The following STX12 variants were observed in gnomAD, a reference collection of about 807,000 sequenced individuals.
STX12 encodes the protein syntaxin-12.
A neutral mutation model predicts 42.2 loss-of-function variants in STX12; 17 were observed. The observed-to-expected ratio is 0.40, with a 90% CI of 0.28 to 0.60. The LOEUF (loss-of-function observed/expected upper bound fraction) is 0.60, where lower values mean the gene tolerates loss of function less well. Ranked by LOEUF, STX12 falls within the 20% of genes least tolerant of loss-of-function variation. The probability of loss-of-function intolerance (pLI) is 0.39; values close to 1 mark genes in which losing one functional copy is unlikely to be tolerated. For synonymous variants in STX12, 108 were observed against 116.7 expected, an observed-to-expected ratio of 0.93 and a Z score of 0.48; for missense variants, 297 against 330.9, an observed-to-expected ratio of 0.90 and a Z score of 0.79.
intron 6 of STX12, among the ~76,000 whole-genome samples, chr1:27,816,632 G>T (rs1373643043): frequency 6.9e-6 from 1 of 145,496 alleles, no homozygotes; most frequent in Non-Finnish European, 1.5e-5. Flanking sequence ...GGGAGGGAGG[G>T]AGGGAGGCCA....
rs372910533 is a variant in STX12 at position 27,822,215 on chromosome 1, A to G, written c.733-16A>G. 1.8e-5 allele frequency: 27 copies of G among 1,509,526 alleles called. No individual in the cohort carries two copies. The highest frequency in any genetic ancestry group is 1.1e-5 in the South Asian group (1 of 88,854). The allele number at this position is 1,509,526 out of a possible 1,614,324, so 93.5% of individuals were successfully genotyped here. On this transcript the variant is annotated splice_polypyrimidine_tract_variant and intron_variant, in intron 8 of 8. Transcript: ENST00000373943. ...CTTGTTTCATGAGTATCTTGTTTAC[A>G]TATTTCTTTCCTCAGAAAAAATCTC...
At chr1:27,794,629 TAAAA>T (rs966626590) in intron 3 of STX12, among the ~76,000 whole-genome samples, 8 of 152,092 alleles carry the variant, frequency 5.3e-5, no homozygotes, top group African/African-American at 1.7e-4. Context: ...AGGTCTCCAG[TAAAA>T]AAAACTTTCT....
chr1:27,806,169 C>T (rs951701393), intron 4 of STX12, among the ~76,000 whole-genome samples: 12 of 152,006 alleles, frequency 7.9e-5, no homozygotes, highest in Admixed American at 1.3e-4. Context: ...ACAAGTCTTC[C>T]GAAATTTTAT....
At chr1:27,777,464 T>G (rs1345108665) in intron 1 of STX12, among the ~76,000 whole-genome samples, 3 of 152,220 alleles carry the variant, frequency 2.0e-5, no homozygotes, top group African/African-American at 7.2e-5. Flanking sequence ...AGGATCTTGA[T>G]GCATAATAAA....
chr1:27,820,430 G>A (rs1026041482), intron 8 of STX12: 2 of 152,156 alleles, frequency 1.3e-5, no homozygotes, highest in African/African-American at 4.8e-5. Context: ...AGATGAGCAG[G>A]TTGCGAAAAT....
At chr1:27,790,825 C>T (rs1039533438) in intron 2 of STX12, among the ~76,000 whole-genome samples, 1 of 152,054 alleles carries the variant, frequency 6.6e-6, no homozygotes, top group African/African-American at 2.4e-5. Flanking sequence ...CCTGTAATCC[C>T]AGCTACTCAG....
chr1:27,821,238 G>A (rs1204790752), intron 8 of STX12, among the ~76,000 whole-genome samples: 1 of 151,558 alleles, frequency 6.6e-6, no homozygotes, highest in African/African-American at 2.4e-5. Flanking sequence ...TATTTTACCT[G>A]GGAGTGCTCG....
intron 1 of STX12, among the ~76,000 whole-genome samples, chr1:27,779,672 C>T (rs758716051): frequency 2.6e-5 from 4 of 151,918 alleles, no homozygotes; most frequent in Non-Finnish European, 5.9e-5. Flanking sequence ...TCACTCCCTG[C>T]GATCTTAACC....
chr1:27,800,495 G>A (rs1381105554), intron 3 of STX12, among the ~76,000 whole-genome samples: 12 of 110,348 alleles, frequency 1.1e-4, no homozygotes, highest in African/African-American at 5.8e-4. Context: ...TGTGGTGTGT[G>A]TGTGTGTGTG....
At chr1:27,778,774 A>T (rs753042463) in intron 1 of STX12, among the ~76,000 whole-genome samples, 1 of 152,140 alleles carries the variant, frequency 6.6e-6, no homozygotes, top group Non-Finnish European at 1.5e-5. Flanking sequence ...CTAACAAAAT[A>T]AGAAGAGTGG....
intron 4 of STX12, among the ~76,000 whole-genome samples, chr1:27,806,854 GAGAA>G (rs1207250753): frequency 2.0e-5 from 3 of 152,168 alleles, no homozygotes; most frequent in Non-Finnish European, 4.4e-5. Context: ...GCAGGAGAAA[GAGAA>G]AGAGAGTGCA....
intron 3 of STX12, among the ~76,000 whole-genome samples, chr1:27,797,875 A>AACACAC (rs61106135): frequency 0.035 from 5,016 of 143,134 alleles, 245 homozygotes; most frequent in African/African-American, 0.1. Context: ...TCTGAAGGTA[A>AACACAC]ACACACACAC....
intron 1 of STX12, among the ~76,000 whole-genome samples, chr1:27,780,003 C>G (rs959221537): frequency 9.9e-5 from 15 of 151,688 alleles, no homozygotes; most frequent in African/African-American, 3.6e-4. Context: ...GTTGGTCAGG[C>G]TAGTCTTGAA....
intron 1 of STX12, among the ~76,000 whole-genome samples, chr1:27,787,088 G>A (rs955310703): frequency 9.2e-5 from 14 of 152,184 alleles, no homozygotes; most frequent in Admixed American, 5.2e-4. Flanking sequence ...TTTGAATTAA[G>A]TGAATCCTAT....
At chr1:27,808,405 G>A (rs2088879777) in intron 4 of STX12, among the ~76,000 whole-genome samples, 1 of 151,184 alleles carries the variant, frequency 6.6e-6, no homozygotes, top group Non-Finnish European at 1.5e-5. Flanking sequence ...GCAGTGGCAC[G>A]ATCTTGGCTC....
intron 6 of STX12, among the ~76,000 whole-genome samples, chr1:27,812,485 A>G (rs1405331986): frequency 1.3e-5 from 2 of 150,564 alleles, no homozygotes; most frequent in Non-Finnish European, 2.9e-5. Context: ...CTTGTTGCCC[A>G]GGCTGGAGTG....
At chr1:27,814,277 A>G (rs923165703) in intron 6 of STX12, among the ~76,000 whole-genome samples, 8 of 152,226 alleles carry the variant, frequency 5.3e-5, no homozygotes, top group African/African-American at 1.9e-4. Flanking sequence ...CATGCCTGTA[A>G]TCCCGGCAAG....
intron 3 of STX12, among the ~76,000 whole-genome samples, chr1:27,798,780 C>CAAAA (rs61253983): frequency 3.7e-5 from 2 of 54,530 alleles, no homozygotes; most frequent in African/African-American, 6.3e-5. Context: ...GACTCCGTCT[C>CAAAA]AAAAAAAAAA....
chr1:27,803,869 C>T (rs2088842180), intron 4 of STX12, among the ~76,000 whole-genome samples: 3 of 151,772 alleles, frequency 2.0e-5, no homozygotes, highest in South Asian at 2.1e-4. Context: ...GGCGTGGTAG[C>T]GCGTGCCTGT....
Sources: allele counts gnomAD v4.1 joint callset (sites outside exome capture counted in the v4.1 genomes callset), GRCh38; gene constraint gnomAD v4.1.1; transcripts MANE v1.5; gene names NCBI Gene and HGNC (gene_info 2026-07-23, HGNC 2026-07-21).